The following PPFIA2 variants were observed in gnomAD, a reference collection of about 807,000 sequenced individuals.
The protein encoded by PPFIA2 is PPFI scaffold protein A2, also known as liprin-alpha-2.
In PPFIA2, 46 loss-of-function variants were observed where a neutral mutation model predicts 175.5. The ratio of observed to expected loss-of-function variants is 0.26; its 90% CI spans 0.21 to 0.34. PPFIA2 has a LOEUF of 0.34. PPFIA2 is among the 10% of genes least tolerant of loss of function. PPFIA2 has a pLI of 1.00. For synonymous variants in PPFIA2, 568 were observed against 511.4 expected (o/e 1.11, Z -1.49); for missense variants, 1,179 against 1,506.1 (o/e 0.78, Z 3.60).
chr12:81,494,080 A>G (rs1462705395), intron 4 of PPFIA2, among the ~76,000 whole-genome samples: 2 of 152,004 alleles, frequency 1.3e-5, no homozygotes, highest in African/African-American at 2.4e-5. Context: ...AACAAAAGAC[A>G]AAATTGACAA....
At chr12:81,351,794 A>G (rs2060051249) in intron 17 of PPFIA2, among the ~76,000 whole-genome samples, 1 of 151,232 alleles carries the variant, frequency 6.6e-6, no homozygotes, top group Non-Finnish European at 1.5e-5. Context: ...AGTCCCAGCT[A>G]CTTGGAAGGC....
At chr12:81,727,705 C>T (rs892525166) in intron 3 of PPFIA2, among the ~76,000 whole-genome samples, 1 of 151,316 alleles carries the variant, frequency 6.6e-6, no homozygotes, top group Non-Finnish European at 1.5e-5. Flanking sequence ...TGTTCTTTTT[C>T]ATAGATCTGG....
At chr12:81,393,940 C>A (rs2040610299) in intron 8 of PPFIA2, among the ~76,000 whole-genome samples, 1 of 151,928 alleles carries the variant, frequency 6.6e-6, no homozygotes, top group Non-Finnish European at 1.5e-5. Context: ...AAAAACTAGG[C>A]CATTTATTGG....
intron 4 of PPFIA2, among the ~76,000 whole-genome samples, chr12:81,599,381 G>A (rs2153453961): frequency 6.6e-6 from 1 of 152,114 alleles, no homozygotes. Flanking sequence ...TGGAAAGGAT[G>A]CAGAAAAGTG....
chr12:81,677,410 G>A (rs190075329), intron 3 of PPFIA2, among the ~76,000 whole-genome samples: 25 of 151,782 alleles, frequency 1.6e-4, no homozygotes, highest in Middle Eastern at 3.4e-3. Flanking sequence ...AACAACAGTC[G>A]CCCTATTGTG....
At chr12:81,478,744 T>A (rs989117225) in intron 4 of PPFIA2, among the ~76,000 whole-genome samples, 1 of 152,224 alleles carries the variant, frequency 6.6e-6, no homozygotes, top group African/African-American at 2.4e-5. Flanking sequence ...AGTTTCTTAA[T>A]CCTGAGTTCT....
intron 7 of PPFIA2, chr12:81,430,783 G>C (rs897625917): frequency 6.6e-6 from 1 of 152,108 alleles, no homozygotes; most frequent in Non-Finnish European, 1.5e-5. Flanking sequence ...TGATTACATG[G>C]AATAATGTGT....
intron 4 of PPFIA2, among the ~76,000 whole-genome samples, chr12:81,658,498 T>C (rs888451250): frequency 6.7e-6 from 1 of 150,028 alleles, no homozygotes; most frequent in Non-Finnish European, 1.5e-5. Flanking sequence ...TATTCATCCA[T>C]CTGTTTTTTC....
In PPFIA2 at chr12:81,437,796, C is replaced by T. The variant is rs1019449625; in HGVS notation, c.645+2176G>A. ...ATTTTACGTTTTTTTCTGATAGTTC[C>T]AGGAACAAGTACACCCCATCCTGAA... On this transcript the variant is annotated intron_variant, in intron 7 of 32. Coordinates refer to ENST00000549396, the MANE Select transcript of PPFIA2 (RefSeq NM_003625.5). Among the ~76,000 whole-genome samples, 4 of 151,954 alleles carry T rather than the reference C, an allele frequency of 2.6e-5. No individual in the cohort carries two copies. In the East Asian group the frequency reaches 7.7e-4, roughly 29 times the overall value.
At chr12:81,389,380 T>G (rs144487131) in intron 8 of PPFIA2, among the ~76,000 whole-genome samples, 104 of 151,908 alleles carry the variant, frequency 6.8e-4, no homozygotes, top group African/African-American at 2.3e-3. Flanking sequence ...TAACTATAGA[T>G]AGTAATCAGG....
At chr12:81,701,632 G>A (rs1412052988) in intron 3 of PPFIA2, among the ~76,000 whole-genome samples, 1 of 151,770 alleles carries the variant, frequency 6.6e-6, no homozygotes, top group Non-Finnish European at 1.5e-5. Flanking sequence ...TGACTAAATG[G>A]GTTGTGAAAT....
At chr12:81,531,016 A>G (rs2064463772) in intron 4 of PPFIA2, among the ~76,000 whole-genome samples, 2 of 151,912 alleles carry the variant, frequency 1.3e-5, no homozygotes, top group African/African-American at 4.8e-5. Context: ...AAGTTGTTTG[A>G]CAGACAACAT....
At chr12:81,657,439 C>T (rs554196287) in intron 4 of PPFIA2, among the ~76,000 whole-genome samples, 59 of 152,208 alleles carry the variant, frequency 3.9e-4, no homozygotes, top group Non-Finnish European at 5.0e-4. Flanking sequence ...CCTGTTGCCT[C>T]GGGCTATCCT....
At chr12:81,678,625 C>T (rs1009705012) in intron 3 of PPFIA2, among the ~76,000 whole-genome samples, 2 of 151,792 alleles carry the variant, frequency 1.3e-5, no homozygotes, top group African/African-American at 4.8e-5. Context: ...TGAGAAACTA[C>T]TCCTTCCCCT....
At chr12:81,642,658 C>CATACATGCATGTATA in intron 4 of PPFIA2, among the ~76,000 whole-genome samples, 1 of 43,560 alleles carries the variant, frequency 2.3e-5, no homozygotes, top group Non-Finnish European at 4.5e-5. Flanking sequence ...ATGTATGTAT[C>CATACATGCATGTATA]TATTATATAC....
intron 4 of PPFIA2, among the ~76,000 whole-genome samples, chr12:81,569,030 T>C (rs1457391141): frequency 6.6e-6 from 1 of 152,200 alleles, no homozygotes; most frequent in Admixed American, 6.5e-5. Context: ...TTCTTCATAA[T>C]GGTATTCAAA....
intron 4 of PPFIA2, among the ~76,000 whole-genome samples, chr12:81,662,366 G>T (rs1186622728): frequency 6.6e-6 from 1 of 152,078 alleles, no homozygotes; most frequent in Non-Finnish European, 1.5e-5. Flanking sequence ...TGATAAAGGG[G>T]ATATTACCAC....
At chr12:81,282,182 T>G (rs932183917) in intron 26 of PPFIA2, among the ~76,000 whole-genome samples, 17 of 152,070 alleles carry the variant, frequency 1.1e-4, no homozygotes, top group Non-Finnish European at 2.4e-4. Flanking sequence ...TAAACCAATA[T>G]TTTAAAAGAA....
In PPFIA2 at chr12:81,342,428, G is replaced by A. The variant is rs115497374; in HGVS notation, c.2263-1220C>T. Among the ~76,000 whole-genome samples, 1,487 of 152,084 alleles carry A rather than the reference G, an allele frequency of 9.8e-3. 22 individuals are homozygous for A. Among genetic ancestry groups the A allele is most frequent in the African/African-American group, 0.035 (1,433 of 41,502 alleles). ...ATTTTGTTTGTTTTTATGTAAAGCTGTTATTTATAAATGTGTTTATCTATA... is the reference window on the plus strand; with the variant it reads ...ATTTTGTTTGTTTTTATGTAAAGCTATTATTTATAAATGTGTTTATCTATA... On this transcript the variant is annotated intron_variant, in intron 19 of 32. Transcript: ENST00000549396.
Sources: allele counts gnomAD v4.1 joint callset (sites outside exome capture counted in the v4.1 genomes callset), GRCh38; gene constraint gnomAD v4.1.1; transcripts MANE v1.5; gene names NCBI Gene and HGNC (gene_info 2026-07-23, HGNC 2026-07-21).